The following ZFHX3 variants were observed in gnomAD, a reference collection of about 807,000 sequenced individuals.
ZFHX3 encodes zinc finger homeobox protein 3.
Under a neutral mutation model 279.1 loss-of-function variants are expected in ZFHX3, and 42 were observed. The observed-to-expected ratio is 0.15, with a 90% CI of 0.12 to 0.19. The LOEUF (loss-of-function observed/expected upper bound fraction) is 0.19, where lower values mean the gene tolerates loss of function less well. ZFHX3 is among the 10% of genes least tolerant of loss of function. The pLI is 1.00. For synonymous variants in ZFHX3, 2,293 were observed against 1,957.8 expected (o/e 1.17, Z -4.52); for missense variants, 4,981 against 4,754.0 (o/e 1.05, Z -1.40).
intron 3 of ZFHX3, among the ~76,000 whole-genome samples, chr16:73,404,218 C>A (rs1215699360): frequency 1.3e-5 from 2 of 152,080 alleles, no homozygotes; most frequent in African/African-American, 4.8e-5. Flanking sequence ...TTAGCTCAGT[C>A]CTGGACAAGG....
At chr16:73,660,391 G>A (rs933342234) in intron 2 of ZFHX3, among the ~76,000 whole-genome samples, 1 of 152,172 alleles carries the variant, frequency 6.6e-6, no homozygotes, top group Non-Finnish European at 1.5e-5. Context: ...AAATTACTGT[G>A]TATGAACCAG....
intron 2 of ZFHX3, among the ~76,000 whole-genome samples, chr16:73,606,890 T>C (rs1423669121): frequency 6.6e-6 from 1 of 152,114 alleles, no homozygotes; most frequent in East Asian, 1.9e-4. Context: ...ATTCTATCCA[T>C]GTCCCTGCAA....
chr16:73,352,443 T>C (rs2016261188), intron 3 of ZFHX3, among the ~76,000 whole-genome samples: 1 of 151,506 alleles, frequency 6.6e-6, no homozygotes, highest in Non-Finnish European at 1.5e-5. Context: ...TCACTATTTG[T>C]CAAGCCTTTG....
chr16:73,802,966 C>G (rs901287569), intron 1 of ZFHX3, among the ~76,000 whole-genome samples: 2 of 152,098 alleles, frequency 1.3e-5, no homozygotes, highest in African/African-American at 4.8e-5. Flanking sequence ...CACAGGCACA[C>G]GCCACCACAC....
chr16:73,143,658 G>A (rs1966853328), intron 6 of ZFHX3: 2 of 890,572 alleles, frequency 2.2e-6, no homozygotes, highest in Admixed American at 2.4e-5. Context: ...GTTTTGTTTG[G>A]TGTCCTTGTC....
At chr16:72,946,227 C>T (rs2144369475) in intron 3 of ZFHX3, among the ~76,000 whole-genome samples, 1 of 152,340 alleles carries the variant, frequency 6.6e-6, no homozygotes, top group Admixed American at 6.5e-5. Context: ...CACTCTGCCT[C>T]CTACCTCAGG....
chr16:72,952,643 G>C (rs1171785401), intron 2 of ZFHX3, among the ~76,000 whole-genome samples: 1 of 152,180 alleles, frequency 6.6e-6, no homozygotes, highest in Non-Finnish European at 1.5e-5. Context: ...TGAGACACGA[G>C]GCTCAGCTCC....
intron 3 of ZFHX3, among the ~76,000 whole-genome samples, chr16:73,359,260 A>C (rs1358152913): frequency 6.6e-6 from 1 of 151,722 alleles, no homozygotes; most frequent in Non-Finnish European, 1.5e-5. Context: ...TAGGCAAGAA[A>C]GATTATTAGA....
chr16:73,137,548 G>A (rs1381926065), intron 6 of ZFHX3: 1 of 152,028 alleles, frequency 6.6e-6, no homozygotes, highest in African/African-American at 2.4e-5. Flanking sequence ...AGTGGCTCGT[G>A]GGACTTGCAA....
At chr16:73,804,828 A>G (rs185949460) in intron 1 of ZFHX3, among the ~76,000 whole-genome samples, 27 of 149,018 alleles carry the variant, frequency 1.8e-4, no homozygotes, top group Non-Finnish European at 2.4e-4. Context: ...GAAATCTTCT[A>G]TGGCCAAAAC....
intron 1 of ZFHX3, among the ~76,000 whole-genome samples, chr16:72,979,641 T>C (rs921853528): frequency 5.9e-5 from 9 of 152,156 alleles, no homozygotes; most frequent in Non-Finnish European, 1.2e-4. Context: ...CCGAAATCAA[T>C]GCGCTTACAG....
intron 4 of ZFHX3, among the ~76,000 whole-genome samples, chr16:72,881,040 C>G (rs1207179425): frequency 2.0e-5 from 3 of 152,176 alleles, no homozygotes; most frequent in South Asian, 4.1e-4. Context: ...CTCTAAAATG[C>G]AAGCCAAAAA....
intron 2 of ZFHX3, among the ~76,000 whole-genome samples, chr16:73,540,020 G>A (rs945835794): frequency 1.3e-5 from 2 of 152,178 alleles, no homozygotes; most frequent in African/African-American, 2.4e-5. Flanking sequence ...AAATATGATC[G>A]CTGTTAATCA....
At chr16:73,561,268 G>A (rs546460557) in intron 2 of ZFHX3, among the ~76,000 whole-genome samples, 5 of 152,252 alleles carry the variant, frequency 3.3e-5, no homozygotes, top group South Asian at 2.1e-4. Context: ...GTTTCCATCC[G>A]TGTGCAGATG....
At chr16:72,893,202 A>G (rs1041537768) in intron 3 of ZFHX3, among the ~76,000 whole-genome samples, 1 of 152,252 alleles carries the variant, frequency 6.6e-6, no homozygotes, top group African/African-American at 2.4e-5. Context: ...ATGAAATTCA[A>G]AGAAATACGT....
chr16:73,603,806 C>T (rs1447996344), intron 2 of ZFHX3, among the ~76,000 whole-genome samples: 2 of 132,352 alleles, frequency 1.5e-5, no homozygotes, highest in African/African-American at 6.5e-5. Context: ...TGGAGTCTGG[C>T]TCTCTCACCC....
intron 1 of ZFHX3, among the ~76,000 whole-genome samples, chr16:73,726,602 G>A (rs911640427): frequency 2.6e-5 from 4 of 152,158 alleles, no homozygotes; most frequent in Admixed American, 2.0e-4. Flanking sequence ...ATATAAGCAC[G>A]GCACTGGCAT....
In ZFHX3 at chr16:72,793,330, G is replaced by C; in HGVS notation, c.9352C>G (p.Leu3118Val). The C allele has an allele frequency of 1.2e-6, 2 of 1,614,206 alleles. No individual in the cohort carries two copies. Among genetic ancestry groups the C allele is most frequent in the South Asian group, 2.2e-5 (2 of 91,090 alleles). ...ALNLPTAYPALQGIPPVLLPG... is the reference protein window; with the variant it reads ...ALNLPTAYPAVQGIPPVLLPG... ...AGCAACACAGGAGGAATGCCCTGGA[G>C]CGCTGGATATGCTGTAGGAAGGTTA... Residue 3118 changes from leucine (L) to valine (V), a missense_variant, in exon 9 of 10, where the codon CTC becomes GTC. By Grantham distance (32) the Leu-to-Val change is conservative (BLOSUM62 1). Transcript: ENST00000268489. The surrounding 1 kb of genome is among the most constrained non-coding windows in gnomAD (Gnocchi z 4.3).
In ZFHX3 at chr16:73,040,104, C is replaced by G. The variant is rs143419944; in HGVS notation, c.-50+7648G>C. 3.3e-3 allele frequency among the ~76,000 whole-genome samples: 506 copies of G among 152,284 alleles called. 4 individuals are homozygous for G. The highest frequency in any genetic ancestry group is 0.011 in the African/African-American group (458 of 41,560). On this transcript the variant is annotated intron_variant, in intron 1 of 9. Coordinates refer to ENST00000268489, the MANE Select transcript of ZFHX3 (RefSeq NM_006885.4). ...CAAAGCAACATAAGGCAGGCTCCCC[C>G]ACAAGCAAGAGTAGGCCTCTAACAG...
Sources: allele counts gnomAD v4.1 joint callset (sites outside exome capture counted in the v4.1 genomes callset), GRCh38; gene constraint gnomAD v4.1.1; non-coding constraint Gnocchi (gnomAD v3.1); transcripts MANE v1.5; gene names NCBI Gene and HGNC (gene_info 2026-07-23, HGNC 2026-07-21).